The following EMP2 variants were observed in gnomAD, a reference collection of about 807,000 sequenced individuals.
The protein encoded by EMP2 is epithelial membrane protein 2.
Under a neutral mutation model 13.7 loss-of-function variants are expected in EMP2, and 19 were observed. The ratio of observed to expected loss-of-function variants is 1.38; its 90% CI spans 0.97 to 2.03. EMP2 has a LOEUF of 2.03. Among genes scored for constraint, EMP2 ranks in the 30% most tolerant of loss-of-function variants. The probability of loss-of-function intolerance (pLI) is 0.00; values close to 1 mark genes in which losing one functional copy is unlikely to be tolerated. For missense variants in EMP2, 253 were observed against 220.7 expected, an observed-to-expected ratio of 1.15 and a Z score of -0.93; for synonymous variants, 97 against 84.7, an observed-to-expected ratio of 1.15 and a Z score of -0.80.
At chr16:10,546,860 G>A (rs2050743604) in intron 2 of EMP2, 1 of 152,204 alleles carries the variant, frequency 6.6e-6, no homozygotes, top group Non-Finnish European at 1.5e-5. Flanking sequence ...CTCTGATCTA[G>A]AGGAAAGCTG....
chr16:10,543,886 G>T (rs901185434), intron 2 of EMP2, among the ~76,000 whole-genome samples: 1 of 152,080 alleles, frequency 6.6e-6, no homozygotes, highest in East Asian at 1.9e-4. Flanking sequence ...TTGAGACAGG[G>T]TCTTGCTCTG....
intron 1 of EMP2, among the ~76,000 whole-genome samples, chr16:10,564,548 T>C (rs2050894420): frequency 2.0e-5 from 3 of 149,956 alleles, no homozygotes; most frequent in Admixed American, 2.0e-4. Flanking sequence ...GCTAGTTTGG[T>C]GGTCTGATAT....
chr16:10,543,702 A>C lies in EMP2; in HGVS notation c.79-42T>G, dbSNP rs374638371. 2.5e-6 allele frequency: 4 copies of C among 1,595,918 alleles called. No homozygotes were observed. In the African/African-American group the frequency reaches 4.0e-5, roughly 16 times the overall value. On this transcript the variant is annotated intron_variant, in intron 2 of 4. Coordinates refer to ENST00000359543, the MANE Select transcript of EMP2 (RefSeq NM_001424.6). ...AAATAGAGAGAAAGGCCGTCCGTTC[A>C]TGATGCAAACACTGACTGCTAATTA...
At chr16:10,554,023 T>C (rs1371501999) in intron 1 of EMP2, among the ~76,000 whole-genome samples, 5 of 145,804 alleles carry the variant, frequency 3.4e-5, no homozygotes, top group African/African-American at 1.3e-4. Flanking sequence ...AAAACCTTTT[T>C]TTTCTTTCTT....
intron 1 of EMP2, 58 bp from the exon 2 acceptor site, chr16:10,547,735 T>C: frequency 9.8e-7 from 1 of 1,024,620 alleles, no homozygotes; most frequent in Non-Finnish European, 1.4e-6. Flanking sequence ...AAAATTACAA[T>C]AAAAAATAAA....
At chr16:10,551,821 A>G (rs900747079) in intron 1 of EMP2, among the ~76,000 whole-genome samples, 1 of 152,024 alleles carries the variant, frequency 6.6e-6, no homozygotes, top group South Asian at 2.1e-4. Flanking sequence ...TCTCCTCTCC[A>G]ACCATGCTCA....
rs12924510 is a variant in EMP2 at position 10,531,401 on chromosome 16, C to T, written c.*1504G>A. The T allele has an allele frequency of 0.07, 10,746 of 152,596 alleles. 473 individuals are homozygous for T. The highest frequency in any genetic ancestry group is 0.11 in the South Asian group (546 of 4,834). The allele number at this position is 152,596 out of a possible 1,614,324, so 9.5% of individuals were successfully genotyped here. A position where few individuals can be genotyped will look rare whatever the true frequency, so the allele number is the denominator to read the frequency against. The stretch of plus-strand genomic sequence containing the variant: ...AGGCTGGAGTGCAGTGGCACGGTCT[C>T]GGCTCACTGCAACCTCCACCTCCCA... On this transcript the variant is annotated 3_prime_UTR_variant, in exon 5 of 5. Transcript: ENST00000359543.
chr16:10,556,965 C>A (rs987781244), intron 1 of EMP2, among the ~76,000 whole-genome samples: 5 of 152,292 alleles, frequency 3.3e-5, no homozygotes, highest in African/African-American at 1.2e-4. Flanking sequence ...GAGCTTTGTA[C>A]CAGGCAGGGG....
At chr16:10,547,423 T>C in intron 2 of EMP2, 117 bp downstream of exon 2, 1 of 1,120,868 alleles carries the variant, frequency 8.9e-7, no homozygotes, top group Non-Finnish European at 1.3e-6. Flanking sequence ...ATTTTCCTTA[T>C]AAATTACCTA....
At chr16:10,578,876 G>C (rs1042032091) in intron 1 of EMP2, among the ~76,000 whole-genome samples, 17 of 152,216 alleles carry the variant, frequency 1.1e-4, no homozygotes, top group African/African-American at 1.4e-4. Context: ...CTTGGCATTT[G>C]CCAAGGCCCC....
chr16:10,533,045 C>T lies in EMP2; in HGVS notation c.364G>A (p.Asp122Asn). ...AATTTCGCGTTTTTGTCGTGAATGT[C>T]TTCACGCCTGTCTGTATAAATGGAG... The part of the protein sequence containing the change: ...AASIYTDRRE[D>N]IHDKNAKFYP... Residue 122 changes from aspartate to asparagine, a missense_variant, in exon 5 of 5, where the codon GAC (aspartate) becomes AAC (asparagine). Asp to Asn is a conservative substitution (Grantham distance 23). Coordinates refer to ENST00000359543, the MANE Select transcript of EMP2 (RefSeq NM_001424.6). 2.5e-6 allele frequency: 4 copies of T among 1,610,192 alleles called. No individual in the cohort carries two copies. Among genetic ancestry groups the T allele is most frequent in the African/African-American group, 1.3e-5 (1 of 74,878 alleles).
intron 3 of EMP2, among the ~76,000 whole-genome samples, chr16:10,541,093 GAA>G (rs71133367): frequency 7.0e-6 from 1 of 142,992 alleles, no homozygotes; most frequent in Non-Finnish European, 1.5e-5. Context: ...GATTCAAACG[GAA>G]AAAAAAAAAA....
intron 1 of EMP2, among the ~76,000 whole-genome samples, chr16:10,562,729 G>A (rs549237910): frequency 9.3e-4 from 142 of 152,308 alleles, no homozygotes; most frequent in African/African-American, 3.3e-3. Context: ...TAGATTTAGA[G>A]TTCCTCAAGT....
intron 1 of EMP2, among the ~76,000 whole-genome samples, chr16:10,579,265 G>A (rs1034869688): frequency 3.2e-4 from 49 of 152,234 alleles, no homozygotes; most frequent in African/African-American, 1.2e-3. Context: ...ACTGAAGGCC[G>A]AATTCCAGGA....
At chr16:10,556,554 A>T (rs2050829034) in intron 1 of EMP2, among the ~76,000 whole-genome samples, 1 of 152,226 alleles carries the variant, frequency 6.6e-6, no homozygotes, top group Non-Finnish European at 1.5e-5. Context: ...GAGGGGTTCA[A>T]CATAACCCCA....
intron 1 of EMP2, among the ~76,000 whole-genome samples, chr16:10,564,946 AC>A (rs1161640261): frequency 6.6e-6 from 1 of 152,214 alleles, no homozygotes; most frequent in East Asian, 1.9e-4. Flanking sequence ...AGTCAGCATC[AC>A]CTGCCATAAA....
chr16:10,573,847 TC>T (rs1378059795), intron 1 of EMP2, among the ~76,000 whole-genome samples: 1 of 152,020 alleles, frequency 6.6e-6, no homozygotes, highest in African/African-American at 2.4e-5. Context: ...AATACACTTT[TC>T]CACATATACT....
intron 1 of EMP2, among the ~76,000 whole-genome samples, chr16:10,571,914 CT>C (rs1181336145): frequency 6.6e-6 from 1 of 152,226 alleles, no homozygotes; most frequent in Non-Finnish European, 1.5e-5. Flanking sequence ...GCCTGGTCCA[CT>C]GCTGTCAGCC....
At chr16:10,576,998 G>C (rs942357666) in intron 1 of EMP2, among the ~76,000 whole-genome samples, 1 of 152,188 alleles carries the variant, frequency 6.6e-6, no homozygotes, top group Non-Finnish European at 1.5e-5. Context: ...ACGGGAGCAC[G>C]GAAATCCAGC....
Sources: gnomAD v4.1 joint callset for allele counts (sites outside exome capture counted in the v4.1 genomes callset) on GRCh38, gnomAD v4.1.1 for gene constraint, MANE v1.5 for transcripts, NCBI Gene and HGNC (gene_info 2026-07-23, HGNC 2026-07-21) for gene names.